Variants in GPR158 observed in about 807,000 individuals in gnomAD.
The protein encoded by GPR158 is G protein-coupled receptor 158.
A neutral mutation model predicts 78.2 loss-of-function variants in GPR158; 30 were observed. The ratio of observed to expected loss-of-function variants is 0.38; its 90% CI spans 0.29 to 0.52. The LOEUF (loss-of-function observed/expected upper bound fraction) is 0.52. Ranked by LOEUF, GPR158 falls within the 20% of genes least tolerant of loss-of-function variation. The probability of loss-of-function intolerance (pLI) is 0.83; values close to 1 mark genes in which losing one functional copy is unlikely to be tolerated. For missense variants in GPR158, 1,463 were observed against 1,523.5 expected (o/e 0.96, Z 0.66); for synonymous variants, 581 against 591.1 (o/e 0.98, Z 0.25).
chr10:25,504,000 C>T (rs113661195), intron 5 of GPR158, among the ~76,000 whole-genome samples: 5,453 of 151,666 alleles, frequency 0.036, 337 homozygotes, highest in African/African-American at 0.12. Context: ...AAGCGATTCT[C>T]GTGCCTCAGC....
At position 25,599,329 on chromosome 10, in the gene GPR158, A is replaced by C; in HGVS notation, c.*55A>C. The C allele has an allele frequency of 8.0e-7, 1 of 1,250,286 alleles. No homozygotes were observed. The highest frequency in any genetic ancestry group is 1.5e-5 in the African/African-American group (1 of 65,468). The allele number at this position is 1,250,286 out of a possible 1,614,324, so 77.4% of individuals were successfully genotyped here. On this transcript the variant is annotated 3_prime_UTR_variant, in exon 11 of 11. Coordinates refer to ENST00000376351, the MANE Select transcript of GPR158 (RefSeq NM_020752.3). ...AACCCCGGATTGGATATGAGACAGA[A>C]GATATAAGAATCAAATATTCCCAAG...
intron 2 of GPR158, among the ~76,000 whole-genome samples, chr10:25,374,708 A>T (rs1014442205): frequency 6.6e-6 from 1 of 151,734 alleles, no homozygotes; most frequent in Admixed American, 6.6e-5. Context: ...GATCTGTCCA[A>T]GTTGTTGTGT....
At chr10:25,206,881 C>A (rs187553769) in intron 1 of GPR158, among the ~76,000 whole-genome samples, 377 of 150,448 alleles carry the variant, frequency 2.5e-3, no homozygotes, top group Non-Finnish European at 4.2e-3. Context: ...TTATTCTTGA[C>A]TATTTTATGG....
chr10:25,589,375 T>G (rs1036266792), intron 8 of GPR158, among the ~76,000 whole-genome samples: 2 of 152,248 alleles, frequency 1.3e-5, no homozygotes, highest in Non-Finnish European at 2.9e-5. Flanking sequence ...TGAAGGTTAA[T>G]TCAATGTTAT....
chr10:25,515,234 G>A (rs1588894244), intron 5 of GPR158, among the ~76,000 whole-genome samples: 1 of 151,916 alleles, frequency 6.6e-6, no homozygotes, highest in East Asian at 1.9e-4. Context: ...TAATACAAAA[G>A]CCTTGTCTTT....
intron 2 of GPR158, among the ~76,000 whole-genome samples, chr10:25,234,291 G>A (rs766256080): frequency 3.5e-4 from 53 of 152,116 alleles, no homozygotes; most frequent in Non-Finnish European, 7.4e-5. Flanking sequence ...TTCAGCCTTA[G>A]ACCCCGCTGA....
chr10:25,319,456 A>G (rs1290013122), intron 2 of GPR158, among the ~76,000 whole-genome samples: 2 of 152,188 alleles, frequency 1.3e-5, no homozygotes, highest in African/African-American at 4.8e-5. Flanking sequence ...TTTGTTGAAC[A>G]GGGTACTAAA....
At chr10:25,307,851 CT>C (rs1285919251) in intron 2 of GPR158, among the ~76,000 whole-genome samples, 8 of 152,036 alleles carry the variant, frequency 5.3e-5, no homozygotes, top group South Asian at 4.1e-4. Flanking sequence ...TTGCATTGTT[CT>C]AAATAACCTT....
chr10:25,250,941 G>T lies in GPR158; in HGVS notation c.1008+29784G>T, dbSNP rs1259722101. Among the ~76,000 whole-genome samples the T allele has an allele frequency of 7.3e-5, 11 of 151,368 alleles. No individual in the cohort carries two copies. The South Asian group carries it at 2.3e-3, about 32-fold the overall frequency. ...TAAAGTCTCCCATTATTATTGTGTG[G>T]GCGTCTAAGTCTCTTTGTAGGTCAC... On this transcript the variant is annotated intron_variant, in intron 2 of 10. Coordinates refer to ENST00000376351, the MANE Select transcript of GPR158 (RefSeq NM_020752.3).
At chr10:25,319,800 A>G (rs1003100809) in intron 2 of GPR158, among the ~76,000 whole-genome samples, 4 of 148,024 alleles carry the variant, frequency 2.7e-5, no homozygotes, top group African/African-American at 1.0e-4. Flanking sequence ...GGATGGTGAC[A>G]GGTGATATTG....
rs199975784 is a variant in GPR158 at position 25,411,094 on chromosome 10, G to GTT, written c.1112-1153_1112-1152dup. 2.6e-4 allele frequency among the ~76,000 whole-genome samples: 38 copies of GTT among 145,314 alleles called. 1 individual carries two copies. Among genetic ancestry groups the GTT allele is most frequent in the African/African-American group, 7.4e-4 (30 of 40,520 alleles). On this transcript the variant is annotated intron_variant, in intron 3 of 10. Coordinates refer to ENST00000376351, the MANE Select transcript of GPR158 (RefSeq NM_020752.3). ...TTCAGAGTTGGAAATAGTTGTTTCT[G>GTT]TTTTGTTTTTTTTTTCCTTAGTATT...
intron 2 of GPR158, among the ~76,000 whole-genome samples, chr10:25,237,370 G>A (rs1853538852): frequency 6.6e-6 from 1 of 152,224 alleles, no homozygotes; most frequent in African/African-American, 2.4e-5. Flanking sequence ...TCATTTCATT[G>A]CAAGCAGTCC....
rs76345607 is a variant in GPR158 at position 25,219,767 on chromosome 10, A to G, written c.903-1285A>G. Among the ~76,000 whole-genome samples the G allele has an allele frequency of 5.4e-3, 817 of 152,356 alleles. 12 individuals carry two copies. The highest frequency in any genetic ancestry group is 0.019 in the African/African-American group (795 of 41,588). Reference sequence around the variant, plus strand: ...AAGCCATGCTGTTAGAATGCTTCACAGTAGTTTAAAAGGAGAAAAGAGATG... The same window carrying G: ...AAGCCATGCTGTTAGAATGCTTCACGGTAGTTTAAAAGGAGAAAAGAGATG... On this transcript the variant is annotated intron_variant, in intron 1 of 10. Transcript: ENST00000376351.
intron 2 of GPR158, among the ~76,000 whole-genome samples, chr10:25,296,359 G>T (rs1854513575): frequency 6.6e-6 from 1 of 151,988 alleles, no homozygotes; most frequent in Non-Finnish European, 1.5e-5. Context: ...TAGAGAAGGG[G>T]GATCTGGTAG....
chr10:25,193,733 A>G (rs539167464), intron 1 of GPR158, among the ~76,000 whole-genome samples: 10 of 151,976 alleles, frequency 6.6e-5, no homozygotes, highest in Non-Finnish European at 1.3e-4. Flanking sequence ...TCCTCCTTTC[A>G]GTCTTGGCCT....
In GPR158 at chr10:25,175,190, C is replaced by A. The variant is rs563301131; in HGVS notation, c.-231C>A. Reference sequence around the variant, plus strand: ...GGTGCGTAATCCCCAGCCGGCCCCTCGCGCAGCGGGCACGGCCAGCGCTGC... The same window carrying A: ...GGTGCGTAATCCCCAGCCGGCCCCTAGCGCAGCGGGCACGGCCAGCGCTGC... On this transcript the variant is annotated 5_prime_UTR_variant, in exon 1 of 11. Transcript: ENST00000376351. The surrounding 1 kb of genome is among the most constrained non-coding windows in gnomAD (Gnocchi z 6.4). The A allele has an allele frequency of 3.0e-4, 142 of 471,194 alleles. No homozygotes were observed. Among genetic ancestry groups the A allele is most frequent in the African/African-American group, 2.6e-3 (132 of 50,524 alleles). 29.2% of individuals were successfully genotyped at this position (471,194 alleles called of 1,614,324 possible). A position where few individuals can be genotyped will look rare whatever the true frequency, so the allele number is the denominator to read the frequency against.
chr10:25,400,499 G>T (rs112984763), intron 3 of GPR158, among the ~76,000 whole-genome samples: 5 of 152,210 alleles, frequency 3.3e-5, no homozygotes, highest in Admixed American at 2.6e-4. Flanking sequence ...ATTTGAAATT[G>T]TGCTGGCAGC....
chr10:25,250,652 G>C (rs1030632875), intron 2 of GPR158, among the ~76,000 whole-genome samples: 6 of 149,316 alleles, frequency 4.0e-5, no homozygotes, highest in African/African-American at 1.5e-4. Context: ...CTGAGTTCTA[G>C]TTTGATTGCA....
intron 5 of GPR158, among the ~76,000 whole-genome samples, chr10:25,466,956 G>A (rs967326831): frequency 6.6e-6 from 1 of 152,140 alleles, no homozygotes; most frequent in Non-Finnish European, 1.5e-5. Flanking sequence ...TAAAATATTT[G>A]AAGAGATTTA....
Sources: gnomAD v4.1 joint callset for allele counts (sites outside exome capture counted in the v4.1 genomes callset) on GRCh38, gnomAD v4.1.1 for gene constraint, Gnocchi (gnomAD v3.1) non-coding constraint, MANE v1.5 for transcripts, NCBI Gene and HGNC (gene_info 2026-07-23, HGNC 2026-07-21) for gene names.